CD226: variants seen among roughly 807,000 people sequenced by gnomAD.
CD226 encodes the protein CD226 molecule, also known as CD226 antigen.
A neutral mutation model predicts 34.9 loss-of-function variants in CD226; 24 were observed. That is an observed-to-expected ratio of 0.69 (90% CI 0.50 to 0.97). The LOEUF is 0.97. Among genes scored for constraint, CD226 ranks in the 50% least tolerant of loss-of-function variants. The pLI, the probability that CD226 is intolerant of heterozygous loss-of-function variation, is 0.00. For synonymous variants in CD226, 148 were observed against 147.4 expected (o/e 1.00, Z -0.03); for missense variants, 397 against 412.7 (o/e 0.96, Z 0.33).
rs33978545 is a variant in CD226 at position 69,880,653 on chromosome 18, CTTTTT to C, written c.728-7412_728-7408del. Among the ~76,000 whole-genome samples, 8 of 138,312 alleles carry C rather than the reference CTTTTT, an allele frequency of 5.8e-5. 1 individual carries two copies. The East Asian group carries it at 8.6e-4, about 15-fold the overall frequency. 90.7% of individuals were successfully genotyped at this position (138,312 alleles called of 152,430 possible). On this transcript the variant is annotated intron_variant, in intron 3 of 5. Transcript: ENST00000582621. ...ACGAGGGGAATAAGTCTTAAGATTT[CTTTTT>C]TTTTTTTTTTTGAGACAGAGTCTCG...
intron 2 of CD226, among the ~76,000 whole-genome samples, chr18:69,938,136 T>C (rs1599025441): frequency 1.3e-5 from 2 of 152,240 alleles, no homozygotes; most frequent in South Asian, 4.2e-4. Context: ...ATAAATGGAC[T>C]GGAATATGGG....
intron 2 of CD226, among the ~76,000 whole-genome samples, chr18:69,946,260 G>A (rs1599032594): frequency 6.7e-6 from 1 of 148,266 alleles, no homozygotes; most frequent in Admixed American, 6.7e-5. Context: ...GAAAGAAAGA[G>A]AGAGAGAGAA....
chr18:69,874,771 C>G (rs928890290), intron 3 of CD226, among the ~76,000 whole-genome samples: 4 of 152,162 alleles, frequency 2.6e-5, no homozygotes, highest in Non-Finnish European at 5.9e-5. Flanking sequence ...AATAAGCAAA[C>G]ATTTTATTTT....
chr18:69,946,278 AAGAG>A (rs2055791540), intron 2 of CD226, among the ~76,000 whole-genome samples: 1 of 151,402 alleles, frequency 6.6e-6, no homozygotes, highest in Non-Finnish European at 1.5e-5. Flanking sequence ...GAAAGAAAGA[AAGAG>A]AAAAAGAAAG....
At chr18:69,950,453 A>G (rs911336658), upstream of CD226, among the ~76,000 whole-genome samples, 19 of 152,188 alleles carry the variant, frequency 1.2e-4, no homozygotes, top group African/African-American at 4.3e-4. Flanking sequence ...TATGAAAAGG[A>G]AGCAACACAC....
chr18:69,883,517 C>T (rs1984385121), intron 3 of CD226, among the ~76,000 whole-genome samples: 1 of 152,132 alleles, frequency 6.6e-6, no homozygotes, highest in Non-Finnish European at 1.5e-5. Flanking sequence ...ACCAGGACAG[C>T]CACAGGATGG....
intron 2 of CD226, chr18:69,944,703 A>G (rs1482836358): frequency 3.9e-5 from 6 of 152,220 alleles, no homozygotes; most frequent in African/African-American, 1.4e-4. Context: ...TCTATGTTAA[A>G]AGCTTTGCCA....
intron 3 of CD226, among the ~76,000 whole-genome samples, chr18:69,893,399 TAA>T (rs1162720385): frequency 6.6e-6 from 1 of 152,230 alleles, no homozygotes; most frequent in Non-Finnish European, 1.5e-5. Context: ...TATTAATTAA[TAA>T]GAGTTAAATA....
chr18:69,904,342 C>T (rs2055224749), intron 2 of CD226, among the ~76,000 whole-genome samples: 1 of 152,200 alleles, frequency 6.6e-6, no homozygotes, highest in Non-Finnish European at 1.5e-5. Context: ...AAGCACTGAA[C>T]AGCAAAGGAC....
intron 5 of CD226, among the ~76,000 whole-genome samples, chr18:69,866,676 T>C (rs1265651118): frequency 1.3e-5 from 2 of 152,166 alleles, no homozygotes; most frequent in Non-Finnish European, 2.9e-5. Context: ...TTGGATACTG[T>C]CCCCTGCAAA....
intron 2 of CD226, among the ~76,000 whole-genome samples, chr18:69,919,298 C>A (rs1244747527): frequency 6.6e-6 from 1 of 152,066 alleles, no homozygotes; most frequent in Admixed American, 6.5e-5. Context: ...GCAACCCAGG[C>A]AATTTAAACA....
chr18:69,954,166 C>T (rs750260939), intron 1 of CD226, among the ~76,000 whole-genome samples: 2 of 152,174 alleles, frequency 1.3e-5, no homozygotes, highest in East Asian at 1.9e-4. Context: ...CTGTTGGCCA[C>T]GTATTAATTG....
At chr18:69,904,100 C>T (rs150126229) in intron 2 of CD226, among the ~76,000 whole-genome samples, 116 of 152,140 alleles carry the variant, frequency 7.6e-4, no homozygotes, top group African/African-American at 2.3e-3. Flanking sequence ...GCTAAAAGAC[C>T]GCTTAACTGA....
At chr18:69,912,958 G>A (rs2055343454) in intron 2 of CD226, among the ~76,000 whole-genome samples, 1 of 152,114 alleles carries the variant, frequency 6.6e-6, no homozygotes. Flanking sequence ...AGCATTTAGG[G>A]AACTCAGTGC....
At chr18:69,941,082 C>T (rs912300188) in intron 2 of CD226, among the ~76,000 whole-genome samples, 3 of 152,212 alleles carry the variant, frequency 2.0e-5, no homozygotes, top group Admixed American at 6.5e-5. Flanking sequence ...GTTGGGCCTG[C>T]GGGTGCACAG....
At chr18:69,928,268 A>G (rs1245253978) in intron 2 of CD226, among the ~76,000 whole-genome samples, 2 of 152,168 alleles carry the variant, frequency 1.3e-5, no homozygotes, top group Non-Finnish European at 2.9e-5. Flanking sequence ...GGTGCTGATC[A>G]TTTTCTATCA....
chr18:69,889,235 C>G (rs1984741979), intron 3 of CD226, among the ~76,000 whole-genome samples: 1 of 151,830 alleles, frequency 6.6e-6, no homozygotes, highest in Non-Finnish European at 1.5e-5. Flanking sequence ...GTTATTTTAG[C>G]TTGTGAGCAG....
At chr18:69,897,144 C>T (rs546774057) in intron 2 of CD226, among the ~76,000 whole-genome samples, 1 of 152,290 alleles carries the variant, frequency 6.6e-6, no homozygotes, top group Admixed American at 6.5e-5. Context: ...TTTCCAGAGG[C>T]TCTGCCAGCT....
At chr18:69,867,878 G>T (rs145609297) in intron 4 of CD226, among the ~76,000 whole-genome samples, 123 of 152,276 alleles carry the variant, frequency 8.1e-4, no homozygotes, top group African/African-American at 2.7e-3. Context: ...AATCACTTAT[G>T]TAGATTATTT....
Sources: gnomAD v4.1 joint callset for allele counts (sites outside exome capture counted in the v4.1 genomes callset) on GRCh38, gnomAD v4.1.1 for gene constraint, MANE v1.5 for transcripts, NCBI Gene and HGNC (gene_info 2026-07-23, HGNC 2026-07-21) for gene names.